DGKB: variants seen among roughly 807,000 people sequenced by gnomAD.
DGKB encodes the protein diacylglycerol kinase beta.
DGKB carries 67 observed loss-of-function variants against 114.3 expected under a neutral mutation model. The observed-to-expected ratio is 0.59, with a 90% CI of 0.48 to 0.72. The LOEUF (loss-of-function observed/expected upper bound fraction) is 0.72. Ranked by LOEUF, DGKB falls within the 30% of genes least tolerant of loss-of-function variation. DGKB has a pLI of 0.00. For missense variants in DGKB, 907 were observed against 975.2 expected (o/e 0.93, Z 0.93); for synonymous variants, 398 against 323.1 (o/e 1.23, Z -2.49).
intron 2 of DGKB, among the ~76,000 whole-genome samples, chr7:14,768,391 T>C (rs985522090): frequency 2.6e-5 from 4 of 151,948 alleles, no homozygotes; most frequent in African/African-American, 9.7e-5. Flanking sequence ...CTCTTTCTAA[T>C]ACTTCAAAGA....
At chr7:14,799,794 A>G (rs1325713318) in intron 2 of DGKB, among the ~76,000 whole-genome samples, 1 of 152,186 alleles carries the variant, frequency 6.6e-6, no homozygotes, top group African/African-American at 2.4e-5. Flanking sequence ...CTGCCATGAC[A>G]ATTGGGCCAT....
At position 14,234,189 on chromosome 7, in the gene DGKB, A is replaced by C. The variant is rs145034852; in HGVS notation, c.2123-56038T>G. ...AAATTCAACATAATACCTAAGTAGT[A>C]AAGATAAAAGAATCCTCTCCTCCGT... On this transcript the variant is annotated intron_variant, in intron 23 of 25. Coordinates refer to ENST00000402815, the MANE Select transcript of DGKB (RefSeq NM_001350709.2). Among the ~76,000 whole-genome samples, 17 of 152,198 alleles carry C rather than the reference A, an allele frequency of 1.1e-4. No individual in the cohort carries two copies. In the East Asian group the frequency reaches 1.9e-3, roughly 17 times the overall value.
intron 21 of DGKB, among the ~76,000 whole-genome samples, chr7:14,438,912 T>A (rs1270962568): frequency 6.6e-6 from 1 of 150,668 alleles, no homozygotes; most frequent in Non-Finnish European, 1.5e-5. Flanking sequence ...CCCTAACCTT[T>A]AAATTTCTAA....
At chr7:14,585,507 T>C (rs1408913056) in intron 17 of DGKB, among the ~76,000 whole-genome samples, 1 of 152,196 alleles carries the variant, frequency 6.6e-6, no homozygotes, top group African/African-American at 2.4e-5. Flanking sequence ...GTAGCTGAAG[T>C]TCTTTCTACT....
intron 20 of DGKB, among the ~76,000 whole-genome samples, chr7:14,500,729 A>AG (rs1213726632): frequency 6.6e-6 from 1 of 151,854 alleles, no homozygotes; most frequent in Non-Finnish European, 1.5e-5. Context: ...GGTGATTGAT[A>AG]GAAGCTCAAA....
At chr7:14,319,193 C>T (rs184951575) in intron 23 of DGKB, among the ~76,000 whole-genome samples, 4,151 of 151,050 alleles carry the variant, frequency 0.027, 81 homozygotes, top group Non-Finnish European at 0.042. Flanking sequence ...TGCTAGATGA[C>T]GAGTTAGTGG....
chr7:14,696,528 A>T (rs1053248752), intron 8 of DGKB, among the ~76,000 whole-genome samples: 11 of 149,652 alleles, frequency 7.4e-5, no homozygotes, highest in African/African-American at 2.7e-4. Flanking sequence ...AAAAAAAAAA[A>T]AAAAAGAAAC....
intron 23 of DGKB, among the ~76,000 whole-genome samples, chr7:14,295,691 T>C (rs1802421585): frequency 6.6e-6 from 1 of 152,214 alleles, no homozygotes; most frequent in East Asian, 1.9e-4. Context: ...ATCCACCTGG[T>C]TCCAAGACTT....
At chr7:14,611,512 C>T (rs1056620355) in intron 16 of DGKB, among the ~76,000 whole-genome samples, 2 of 152,100 alleles carry the variant, frequency 1.3e-5, no homozygotes, top group African/African-American at 4.8e-5. Flanking sequence ...AAAGGTGCCT[C>T]TTATGCAGGC....
At chr7:14,658,950 T>G (rs1816432995) in intron 13 of DGKB, among the ~76,000 whole-genome samples, 1 of 151,986 alleles carries the variant, frequency 6.6e-6, no homozygotes, top group East Asian at 1.9e-4. Flanking sequence ...ATGCGCAGAA[T>G]GTGCAGGTTT....
intron 8 of DGKB, among the ~76,000 whole-genome samples, chr7:14,695,921 C>G (rs1356930341): frequency 6.6e-6 from 1 of 152,136 alleles, no homozygotes; most frequent in Non-Finnish European, 1.5e-5. Context: ...CCCATGACAG[C>G]AGACATAATG....
chr7:14,478,086 C>A, intron 21 of DGKB, 75 bp downstream of exon 21: 1 of 955,666 alleles, frequency 1.0e-6, no homozygotes, highest in Non-Finnish European at 1.6e-6. Flanking sequence ...ATAAAATATT[C>A]TGTACCATCT....
chr7:14,937,025 T>TACAC (rs56176139), intron 1 of DGKB, among the ~76,000 whole-genome samples: 3,870 of 132,240 alleles, frequency 0.029, 80 homozygotes, highest in African/African-American at 0.064. Context: ...GTCCATTCAC[T>TACAC]ACACACACAC....
intron 1 of DGKB, among the ~76,000 whole-genome samples, chr7:14,841,751 C>T (rs1313725052): frequency 6.6e-6 from 1 of 152,162 alleles, no homozygotes; most frequent in Non-Finnish European, 1.5e-5. Flanking sequence ...AATAAGCTCT[C>T]TAGCTCCCTA....
In DGKB at chr7:14,313,442, G is replaced by A. The variant is rs573143064; in HGVS notation, c.2122+25073C>T. Reference sequence around the variant, plus strand: ...CACAGTGCGCGAGCCGAAGCAGGGCGAGGCATTGCCTCACTCGGGAAGCGC... The same window carrying A: ...CACAGTGCGCGAGCCGAAGCAGGGCAAGGCATTGCCTCACTCGGGAAGCGC... On this transcript the variant is annotated intron_variant, in intron 23 of 25. Transcript: ENST00000402815. Among the ~76,000 whole-genome samples the A allele has an allele frequency of 7.6e-4, 115 of 152,278 alleles. 1 individual carries two copies. In the South Asian group the frequency reaches 0.017, roughly 23 times the overall value.
chr7:14,874,801 C>T (rs1008837336), intron 1 of DGKB, among the ~76,000 whole-genome samples: 13 of 152,186 alleles, frequency 8.5e-5, no homozygotes, highest in South Asian at 6.2e-4. Flanking sequence ...TTCCCCCACA[C>T]AGATTTATTA....
At chr7:14,436,882 ATGAACCCCAGAG>A (rs1267397350) in intron 21 of DGKB, among the ~76,000 whole-genome samples, 1 of 152,174 alleles carries the variant, frequency 6.6e-6, no homozygotes, top group Non-Finnish European at 1.5e-5. Context: ...AAATATTTTA[ATGAACCCCAGAG>A]TAAAATTAGC....
At chr7:14,862,405 T>A (rs540112434) in intron 1 of DGKB, among the ~76,000 whole-genome samples, 1 of 152,240 alleles carries the variant, frequency 6.6e-6, no homozygotes, top group South Asian at 2.1e-4. Context: ...TAGCTGCTAA[T>A]GATTTTTAAG....
intron 20 of DGKB, among the ~76,000 whole-genome samples, chr7:14,500,038 T>C (rs1785903356): frequency 6.6e-6 from 1 of 151,902 alleles, no homozygotes; most frequent in Non-Finnish European, 1.5e-5. Flanking sequence ...TTATTTTCCC[T>C]TGTGGAGTTA....
Sources: gnomAD v4.1 joint callset for allele counts (sites outside exome capture counted in the v4.1 genomes callset) on GRCh38, gnomAD v4.1.1 for gene constraint, MANE v1.5 for transcripts, NCBI Gene and HGNC (gene_info 2026-07-23, HGNC 2026-07-21) for gene names.